Variants in IGF1 observed in about 807,000 individuals in gnomAD.
IGF1 encodes insulin-like growth factor 1.
In IGF1, 4 loss-of-function variants were observed where a neutral mutation model predicts 13.8. That is an observed-to-expected ratio of 0.29 (90% CI 0.14 to 0.66). The LOEUF is 0.66. IGF1 is among the 30% of genes least tolerant of loss of function. The pLI, the probability that IGF1 is intolerant of heterozygous loss-of-function variation, is 0.78. For synonymous variants in IGF1, 76 were observed against 72.6 expected, an observed-to-expected ratio of 1.05 and a Z score of -0.23; for missense variants, 124 against 188.5, an observed-to-expected ratio of 0.66 and a Z score of 2.00.
chr12:102,457,529 A>G (rs1342999603), intron 2 of IGF1, among the ~76,000 whole-genome samples: 1 of 152,220 alleles, frequency 6.6e-6, no homozygotes, highest in Non-Finnish European at 1.5e-5. Context: ...CTCTCAGTCT[A>G]TAGAACACAA....
At chr12:102,479,556 G>A (rs1170350325) in intron 1 of IGF1, among the ~76,000 whole-genome samples, 1 of 152,186 alleles carries the variant, frequency 6.6e-6, no homozygotes, top group Non-Finnish European at 1.5e-5. Flanking sequence ...TAAAATCAGA[G>A]TTTTATAACA....
chr12:102,457,454 A>AT (rs60874612), intron 2 of IGF1, among the ~76,000 whole-genome samples: 6 of 152,008 alleles, frequency 3.9e-5, no homozygotes, highest in African/African-American at 1.2e-4. Context: ...AAAAGGAGGG[A>AT]TTTTTTCCTA....
intron 2 of IGF1, among the ~76,000 whole-genome samples, chr12:102,464,490 A>G (rs1231942385): frequency 3.4e-5 from 5 of 148,542 alleles, no homozygotes; most frequent in Non-Finnish European, 7.4e-5. Context: ...AGGAGGGGGG[A>G]AAACCCTTAA....
chr12:102,407,401 A>AT (rs1425105091), intron 3 of IGF1, among the ~76,000 whole-genome samples: 2 of 152,234 alleles, frequency 1.3e-5, no homozygotes, highest in African/African-American at 4.8e-5. Flanking sequence ...TGGGGATTGT[A>AT]GTATGTATGT....
intron 2 of IGF1, among the ~76,000 whole-genome samples, chr12:102,440,283 G>C (rs1168916320): frequency 2.0e-5 from 3 of 152,214 alleles, no homozygotes; most frequent in African/African-American, 7.2e-5. Context: ...AGAGAGGACA[G>C]CTTTGGTCCT....
At chr12:102,461,125 A>T (rs1879862956) in intron 2 of IGF1, among the ~76,000 whole-genome samples, 1 of 152,236 alleles carries the variant, frequency 6.6e-6, no homozygotes, top group Non-Finnish European at 1.5e-5. Flanking sequence ...TCCAATCCAA[A>T]GGCCCCCCTT....
At chr12:102,433,467 C>T (rs556113471) in intron 2 of IGF1, among the ~76,000 whole-genome samples, 4 of 152,214 alleles carry the variant, frequency 2.6e-5, no homozygotes, top group African/African-American at 9.6e-5. Context: ...AAAATTTCTT[C>T]AGGCCCCCAT....
chr12:102,441,190 GACCAAAGTCAATGTCA>G (rs1409972101), intron 2 of IGF1, among the ~76,000 whole-genome samples: 2 of 152,124 alleles, frequency 1.3e-5, no homozygotes, highest in African/African-American at 2.4e-5. Flanking sequence ...CTTTGCCATT[GACCAAAGTCAATGTCA>G]ACCAAAGTCA....
intron 2 of IGF1, among the ~76,000 whole-genome samples, chr12:102,438,714 A>G (rs1592780203): frequency 6.6e-6 from 1 of 152,298 alleles, no homozygotes; most frequent in South Asian, 2.1e-4. Flanking sequence ...GGCATTATAA[A>G]CCGTGAACAC....
At position 102,453,817 on chromosome 12, in the gene IGF1, C is replaced by A. The variant is rs554955794; in HGVS notation, c.220+21826G>T. Among the ~76,000 whole-genome samples the A allele has an allele frequency of 2.0e-5, 3 of 152,286 alleles. No individual in the cohort carries two copies. The East Asian group carries it at 5.8e-4, about 29-fold the overall frequency. Reference sequence around the variant, plus strand: ...GCTGCCTGAGTTAAAACCCTGGATTCGTTGCACTTAGAATCTATGTGCCTT... The same window carrying A: ...GCTGCCTGAGTTAAAACCCTGGATTAGTTGCACTTAGAATCTATGTGCCTT... On this transcript the variant is annotated intron_variant, in intron 2 of 3. Coordinates refer to ENST00000337514, the MANE Select transcript of IGF1 (RefSeq NM_000618.5).
At chr12:102,456,682 C>A (rs921122657) in intron 2 of IGF1, among the ~76,000 whole-genome samples, 1 of 152,144 alleles carries the variant, frequency 6.6e-6, no homozygotes, top group Admixed American at 6.5e-5. Context: ...ATTTAATTAA[C>A]CTCTTATCCC....
rs1200026331 is a variant in IGF1 at position 102,396,205 on chromosome 12, C to G, written c.*6302G>C. On this transcript the variant is annotated 3_prime_UTR_variant, in exon 4 of 4. Transcript: ENST00000337514. ...TGTAAGTTTATTTATCACACTTGGC[C>G]TATAAGTGTGATAAAAATACATGAG... is the stretch of plus-strand genomic sequence containing the variant. 3 of 152,062 alleles carry G rather than the reference C, an allele frequency of 2.0e-5. No individual in the cohort carries two copies. The highest frequency in any genetic ancestry group is 2.9e-5 in the Non-Finnish European group (2 of 68,020). 9.4% of individuals were successfully genotyped at this position (152,062 alleles called of 1,614,324 possible).
intron 2 of IGF1, among the ~76,000 whole-genome samples, chr12:102,421,803 G>A (rs952628359): frequency 6.6e-6 from 1 of 152,158 alleles, no homozygotes; most frequent in Non-Finnish European, 1.5e-5. Context: ...GACCTATTTA[G>A]TATTTCCCTT....
In IGF1 at chr12:102,437,714, G is replaced by A. The variant is rs114190738; in HGVS notation, c.221-18024C>T. On this transcript the variant is annotated intron_variant, in intron 2 of 3. Coordinates refer to ENST00000337514, the MANE Select transcript of IGF1 (RefSeq NM_000618.5). ...TTCTGGTGTTCTATTGCACAATAGGGTGACTCTGGTTAACAATATCGTATT... is the reference window on the plus strand; with the variant it reads ...TTCTGGTGTTCTATTGCACAATAGGATGACTCTGGTTAACAATATCGTATT... Among the ~76,000 whole-genome samples the A allele has an allele frequency of 5.5e-3, 836 of 152,282 alleles. 6 individuals carry two copies. Among genetic ancestry groups the A allele is most frequent in the African/African-American group, 0.019 (801 of 41,564 alleles).
rs180792227 is a variant in IGF1, at chr12:102,401,602, C to T, written c.*905G>A. The T allele has an allele frequency of 6.6e-6, 1 of 152,658 alleles. No homozygotes were observed. Among genetic ancestry groups the T allele is most frequent in the East Asian group, 1.9e-4 (1 of 5,186 alleles). 9.5% of individuals were successfully genotyped at this position (152,658 alleles called of 1,614,324 possible). On this transcript the variant is annotated 3_prime_UTR_variant, in exon 4 of 4. Transcript: ENST00000337514. ...TTTCATATAACAAACTACAAAATAG[C>T]ACCATTATACTAAAAAACAGAGTTT...
intron 2 of IGF1, among the ~76,000 whole-genome samples, chr12:102,472,361 C>G (rs1439940795): frequency 1.4e-5 from 2 of 138,780 alleles, no homozygotes; most frequent in African/African-American, 5.4e-5. Flanking sequence ...ATCATTGGGT[C>G]AATCTACACA....
At chr12:102,449,982 C>G (rs1270857287) in intron 2 of IGF1, among the ~76,000 whole-genome samples, 1 of 152,078 alleles carries the variant, frequency 6.6e-6, no homozygotes, top group East Asian at 1.9e-4. Flanking sequence ...AGGGCGAGTT[C>G]TCAAGAAGTG....
intron 3 of IGF1, among the ~76,000 whole-genome samples, chr12:102,406,087 A>G (rs542464801): frequency 6.6e-6 from 1 of 152,224 alleles, no homozygotes; most frequent in African/African-American, 2.4e-5. Context: ...CATGATTCCC[A>G]TGCACACACG....
At chr12:102,454,648 TC>T (rs1271705124) in intron 2 of IGF1, among the ~76,000 whole-genome samples, 1 of 152,222 alleles carries the variant, frequency 6.6e-6, no homozygotes, top group Non-Finnish European at 1.5e-5. Context: ...GGGCCTTATT[TC>T]CTCAATTTTG....
Sources: gnomAD v4.1 joint callset for allele counts (sites outside exome capture counted in the v4.1 genomes callset) on GRCh38, gnomAD v4.1.1 for gene constraint, MANE v1.5 for transcripts, NCBI Gene and HGNC (gene_info 2026-07-23, HGNC 2026-07-21) for gene names.